Variants in PCDHA5 observed in about 807,000 individuals in gnomAD.
PCDHA5 encodes the protein protocadherin alpha 5.
Under a neutral mutation model 61.6 loss-of-function variants are expected in PCDHA5, and 43 were observed. That is an observed-to-expected ratio of 0.70 (90% CI 0.55 to 0.90). The LOEUF (loss-of-function observed/expected upper bound fraction) is 0.90, where lower values mean the gene tolerates loss of function less well. Ranked by LOEUF, PCDHA5 falls within the 40% of genes least tolerant of loss-of-function variation. PCDHA5 has a pLI of 0.00. For missense variants in PCDHA5, 1,298 were observed against 1,222.7 expected, an observed-to-expected ratio of 1.06 and a Z score of -0.92; for synonymous variants, 627 against 543.9, an observed-to-expected ratio of 1.15 and a Z score of -2.13.
chr5:140,839,339 G>C (rs2085813499), intron 1 of PCDHA5, among the ~76,000 whole-genome samples: 1 of 150,974 alleles, frequency 6.6e-6, no homozygotes, highest in Non-Finnish European at 1.5e-5. Context: ...GAAGTTGATA[G>C]GGGATCCTCC....
At chr5:140,842,501 C>T in intron 1 of PCDHA5, 1 of 1,613,826 alleles carries the variant, frequency 6.2e-7, no homozygotes, top group Non-Finnish European at 8.5e-7. Flanking sequence ...GCCCCATGTC[C>T]CCTTCAAGCT....
intron 3 of PCDHA5, among the ~76,000 whole-genome samples, chr5:140,998,021 C>T (rs2097794085): frequency 6.6e-6 from 1 of 152,152 alleles, no homozygotes; most frequent in Non-Finnish European, 1.5e-5. Context: ...CCACCTCGAG[C>T]TAGTGCTATA....
At chr5:140,986,673 A>G (rs782404000) in intron 3 of PCDHA5, among the ~76,000 whole-genome samples, 2 of 152,168 alleles carry the variant, frequency 1.3e-5, no homozygotes. Context: ...TTTTCAGAAG[A>G]GTTCAGAAAG....
intron 1 of PCDHA5, chr5:140,842,933 C>T (rs1356851691): frequency 6.3e-7 from 1 of 1,594,540 alleles, no homozygotes. Flanking sequence ...GGTGAGCGCG[C>T]GCGACGCGGG....
rs377081112 is a variant in PCDHA5 at position 140,871,063 on chromosome 5, G to C, written c.2352+46936G>C. On this transcript the variant is annotated intron_variant, in intron 1 of 3. Coordinates refer to ENST00000529859, the MANE Select transcript of PCDHA5 (RefSeq NM_018908.3). ...ACTTCTAGTACTGGTGAAGGATCAC[G>C]GTGAGCCGGCGCTGACGGCCACGGC... The C allele has an allele frequency of 2.7e-5, 43 of 1,613,154 alleles. 1 individual carries two copies. The South Asian group carries it at 4.5e-4, about 17-fold the overall frequency.
At chr5:140,856,876 G>A (rs1554149244) in intron 1 of PCDHA5, 1 of 1,596,004 alleles carries the variant, frequency 6.3e-7, no homozygotes, top group Non-Finnish European at 8.6e-7. Context: ...ACAAGGAAAT[G>A]ATGTATTCAT....
intron 3 of PCDHA5, among the ~76,000 whole-genome samples, chr5:140,988,762 C>T (rs546274253): frequency 6.6e-6 from 1 of 152,308 alleles, no homozygotes; most frequent in South Asian, 2.1e-4. Context: ...GGGCAGAATA[C>T]AGTCATGGTT....
At chr5:140,886,507 G>A (rs2061007189) in intron 1 of PCDHA5, among the ~76,000 whole-genome samples, 1 of 151,788 alleles carries the variant, frequency 6.6e-6, no homozygotes, top group South Asian at 2.1e-4. Context: ...TCCTTTTATG[G>A]ATTTTAAGGT....
At chr5:140,945,155 A>G (rs566867183) in intron 1 of PCDHA5, among the ~76,000 whole-genome samples, 22 of 152,284 alleles carry the variant, frequency 1.4e-4, no homozygotes, top group African/African-American at 5.3e-4. Context: ...TCTATACACT[A>G]TTGAACTATC....
At chr5:140,999,877 G>C (rs1194481133) in intron 3 of PCDHA5, among the ~76,000 whole-genome samples, 1 of 152,152 alleles carries the variant, frequency 6.6e-6, no homozygotes, top group Non-Finnish European at 1.5e-5. Flanking sequence ...CTGAAAATTA[G>C]CCCAGCTGTA....
At chr5:140,928,657 G>T in intron 1 of PCDHA5, 1 of 1,614,220 alleles carries the variant, frequency 6.2e-7, no homozygotes, top group Admixed American at 1.7e-5. Flanking sequence ...AGAGGATGCT[G>T]ACAGTGGTTC....
At chr5:140,989,644 T>C (rs1284720942) in intron 3 of PCDHA5, among the ~76,000 whole-genome samples, 3 of 152,232 alleles carry the variant, frequency 2.0e-5, no homozygotes, top group Non-Finnish European at 4.4e-5. Flanking sequence ...GGGTCTTTCA[T>C]GGCAATATTT....
At chr5:140,877,390 G>C in intron 1 of PCDHA5, 1 of 1,613,986 alleles carries the variant, frequency 6.2e-7, no homozygotes, top group Non-Finnish European at 8.5e-7. Flanking sequence ...CCTGGATGAG[G>C]CGGACGCTCC....
intron 1 of PCDHA5, chr5:140,926,714 C>G: frequency 1.1e-6 from 1 of 951,084 alleles, no homozygotes; most frequent in Non-Finnish European, 1.4e-6. Context: ...TGGCCAGCCC[C>G]GGCAATGCCG....
rs1309730061 is a variant in PCDHA5, at chr5:140,826,016, T to G, written c.2352+1889T>G. 2.6e-5 allele frequency among the ~76,000 whole-genome samples: 4 copies of G among 152,338 alleles called. No homozygotes were observed. In the South Asian group the frequency reaches 8.3e-4, roughly 32 times the overall value. On this transcript the variant is annotated intron_variant, in intron 1 of 3. Coordinates refer to ENST00000529859, the MANE Select transcript of PCDHA5 (RefSeq NM_018908.3). ...AGTAAATAGTCCACACTTTACATGA[T>G]AAAATGTGAATTCCCTATTTCTGTT...
rs2150483101 is a variant in PCDHA5, at chr5:140,850,412, A to T, written c.2352+26285A>T. 3.6e-5 allele frequency: 57 copies of T among 1,597,620 alleles called. No homozygotes were observed. The South Asian group carries it at 6.3e-4, about 18-fold the overall frequency. On this transcript the variant is annotated intron_variant, in intron 1 of 3. Transcript: ENST00000529859. ...TCAGCACAACGCGTGCCCTGGACGA[A>T]ACGGACGCACCGCGCCAGCGCCTAC...
intron 1 of PCDHA5, among the ~76,000 whole-genome samples, chr5:140,975,576 C>G (rs1170899911): frequency 6.6e-6 from 1 of 152,208 alleles, no homozygotes; most frequent in Non-Finnish European, 1.5e-5. Flanking sequence ...TATATGCAGT[C>G]TCATGTCCCA....
chr5:140,871,688 G>C lies in PCDHA5; in HGVS notation c.2352+47561G>C, dbSNP rs868933304. On this transcript the variant is annotated intron_variant, in intron 1 of 3. Coordinates refer to ENST00000529859, the MANE Select transcript of PCDHA5 (RefSeq NM_018908.3). ...GTCTTTTAATCATATGAATAATCTG[G>C]CTTCTTTAACCAATAAATGTCCTAT... 1.9e-5 allele frequency: 20 copies of C among 1,060,782 alleles called. No homozygotes were observed. In the African/African-American group the frequency reaches 2.1e-4, roughly 11 times the overall value. The allele number at this position is 1,060,782 out of a possible 1,614,324, so 65.7% of individuals were successfully genotyped here. A position where few individuals can be genotyped will look rare whatever the true frequency, so the allele number is the denominator to read the frequency against.
intron 1 of PCDHA5, chr5:140,883,566 C>A: frequency 1.2e-5 from 19 of 1,614,176 alleles, no homozygotes; most frequent in Non-Finnish European, 1.5e-5. Flanking sequence ...GGGGGCTCGC[C>A]TTCGCTGTGG....
Sources: gnomAD v4.1 joint callset for allele counts (sites outside exome capture counted in the v4.1 genomes callset) on GRCh38, gnomAD v4.1.1 for gene constraint, MANE v1.5 for transcripts, NCBI Gene and HGNC (gene_info 2026-07-23, HGNC 2026-07-21) for gene names.